Variants in VAC14 observed in about 807,000 individuals in gnomAD.
VAC14 encodes the protein VAC14 component of PIKFYVE complex.
In VAC14, 47 loss-of-function variants were observed where a neutral mutation model predicts 85.3. The ratio of observed to expected loss-of-function variants is 0.55; its 90% CI spans 0.44 to 0.70. The LOEUF (loss-of-function observed/expected upper bound fraction) is 0.70, where lower values mean the gene tolerates loss of function less well. Ranked by LOEUF, VAC14 falls within the 30% of genes least tolerant of loss-of-function variation. The probability of loss-of-function intolerance (pLI) is 0.00; values close to 1 mark genes in which losing one functional copy is unlikely to be tolerated. For synonymous variants in VAC14, 447 were observed against 430.5 expected (o/e 1.04, Z -0.47); for missense variants, 861 against 1,004.3 (o/e 0.86, Z 1.93).
chr16:70,756,862 G>A (rs951442944), intron 12 of VAC14, among the ~76,000 whole-genome samples: 3 of 152,206 alleles, frequency 2.0e-5, no homozygotes, highest in Non-Finnish European at 4.4e-5. Context: ...TCATGGCCGT[G>A]CCACAGTGGG....
intron 9 of VAC14, 81 bp from the exon 10 acceptor site, chr16:70,772,253 C>A: frequency 8.4e-7 from 1 of 1,184,958 alleles, no homozygotes; most frequent in Non-Finnish European, 1.3e-6. Context: ...CAAGCACACA[C>A]AGAACTCTCC....
intron 17 of VAC14, among the ~76,000 whole-genome samples, 170 bp from the exon 18 acceptor site, chr16:70,693,141 A>C (rs1567519038): frequency 6.6e-6 from 1 of 152,184 alleles, no homozygotes; most frequent in Non-Finnish European, 1.5e-5. Flanking sequence ...GCTTCCAGCG[A>C]GTCAGGGGCT....
intron 13 of VAC14, among the ~76,000 whole-genome samples, chr16:70,732,137 A>G (rs892435245): frequency 3.9e-5 from 6 of 152,256 alleles, no homozygotes; most frequent in African/African-American, 1.2e-4. Flanking sequence ...TGGACCCACA[A>G]GAGGCAAAAG....
At chr16:70,758,268 G>C (rs2032031304) in intron 12 of VAC14, among the ~76,000 whole-genome samples, 1 of 152,132 alleles carries the variant, frequency 6.6e-6, no homozygotes, top group African/African-American at 2.4e-5. Flanking sequence ...CTGGGTGAGG[G>C]GGTTACGCTT....
chr16:70,761,020 CATGGGG>C (rs1379475324), intron 12 of VAC14: 8 of 82,178 alleles, frequency 9.7e-5, no homozygotes, highest in Admixed American at 3.4e-4. Flanking sequence ...TGTGTGTGTG[CATGGGG>C]GGGCGGGGGG....
chr16:70,787,941 G>A (rs2034145903), intron 1 of VAC14, among the ~76,000 whole-genome samples: 1 of 152,252 alleles, frequency 6.6e-6, no homozygotes, highest in Non-Finnish European at 1.5e-5. Context: ...CAGGAAGCGT[G>A]AGGGATGACA....
chr16:70,759,465 A>G (rs2032138507), intron 12 of VAC14, among the ~76,000 whole-genome samples: 1 of 152,154 alleles, frequency 6.6e-6, no homozygotes, highest in South Asian at 2.1e-4. Context: ...CGTCTCTACT[A>G]AAAATGCAAA....
rs1260671175 is a variant in VAC14, at chr16:70,697,130, G to A, written c.1955+9C>T. 1 of 1,608,364 alleles carries A rather than the reference G, an allele frequency of 6.2e-7. No homozygotes were observed. The highest frequency in any genetic ancestry group is 8.5e-7 in the Non-Finnish European group (1 of 1,175,118). ...GGCTCAACCCCAACCACAGTGAGAG[G>A]AAGGATACAACTTCTGGATGAGGTC... On this transcript the variant is annotated intron_variant, in intron 16 of 18. Transcript: ENST00000261776.
chr16:70,738,147 CCAAGAGGA>C (rs1183059422), intron 13 of VAC14, among the ~76,000 whole-genome samples: 1 of 152,116 alleles, frequency 6.6e-6, no homozygotes, highest in African/African-American at 2.4e-5. Flanking sequence ...TGGTATGGAA[CCAAGAGGA>C]CAGGGTGGGG....
At chr16:70,696,009 C>T (rs891345534) in intron 16 of VAC14, among the ~76,000 whole-genome samples, 6 of 152,338 alleles carry the variant, frequency 3.9e-5, no homozygotes, top group Admixed American at 2.0e-4. Flanking sequence ...ACAGAAGTGG[C>T]TGAGAGGAGC....
chr16:70,800,942 T>C lies in VAC14; in HGVS notation c.-42A>G, dbSNP rs765329752. On this transcript the variant is annotated 5_prime_UTR_variant, in exon 1 of 19. Transcript: ENST00000261776. Reference sequence around the variant, plus strand: ...ACCTCGCGACTCCTTAGCCCGCGGCTGCCGGGGCCGCGCCGGGGCCAGGGG... The same window carrying C: ...ACCTCGCGACTCCTTAGCCCGCGGCCGCCGGGGCCGCGCCGGGGCCAGGGG... 6.8e-7 allele frequency: 1 copy of C among 1,477,758 alleles called. No individual in the cohort carries two copies. Among genetic ancestry groups the C allele is most frequent in the Non-Finnish European group, 9.1e-7 (1 of 1,099,840 alleles). 91.5% of individuals were successfully genotyped at this position (1,477,758 alleles called of 1,614,324 possible). A position where few individuals can be genotyped will look rare whatever the true frequency, so the allele number is the denominator to read the frequency against.
chr16:70,761,018 T>TGCGC (rs1317737825), intron 12 of VAC14: 8 of 267,786 alleles, frequency 3.0e-5, no homozygotes, highest in Admixed American at 2.3e-4. Context: ...TGTGTGTGTG[T>TGCGC]GCATGGGGGG....
At chr16:70,767,439 G>T (rs996558532) in intron 10 of VAC14, among the ~76,000 whole-genome samples, 24 of 151,596 alleles carry the variant, frequency 1.6e-4, no homozygotes, top group African/African-American at 5.4e-4. Context: ...GCTACAAGCT[G>T]GGAAATACTG....
chr16:70,730,107 T>G (rs1211460932), intron 14 of VAC14, among the ~76,000 whole-genome samples: 1 of 151,834 alleles, frequency 6.6e-6, no homozygotes, highest in Admixed American at 6.6e-5. Flanking sequence ...TCTCTCCACA[T>G]CAGTCACCAG....
intron 18 of VAC14, chr16:70,689,453 A>C (rs1035609300): frequency 2.0e-6 from 2 of 980,074 alleles, no homozygotes; most frequent in African/African-American, 1.8e-5. Flanking sequence ...GTCAACGGCC[A>C]GAGCCTGACA....
chr16:70,705,598 G>T (rs768307305), intron 14 of VAC14, among the ~76,000 whole-genome samples: 5 of 152,182 alleles, frequency 3.3e-5, no homozygotes, highest in Admixed American at 6.5e-5. Flanking sequence ...ACAGACCCTG[G>T]ACTCAAACCC....
intron 12 of VAC14, among the ~76,000 whole-genome samples, chr16:70,761,657 T>G (rs2032397181): frequency 6.6e-6 from 1 of 152,062 alleles, no homozygotes; most frequent in Admixed American, 6.5e-5. Flanking sequence ...CCCCTCCACC[T>G]CCCAGGCCAG....
intron 1 of VAC14, among the ~76,000 whole-genome samples, chr16:70,791,019 C>T (rs998681043): frequency 6.6e-6 from 1 of 152,216 alleles, no homozygotes; most frequent in Non-Finnish European, 1.5e-5. Context: ...ACGAATCAAG[C>T]CTACCCTACT....
chr16:70,723,380 G>A (rs548676524), intron 14 of VAC14, among the ~76,000 whole-genome samples: 1 of 152,228 alleles, frequency 6.6e-6, no homozygotes, highest in East Asian at 1.9e-4. Flanking sequence ...CCGTGATTGT[G>A]CCACTGCACT....
Sources: gnomAD v4.1 joint callset for allele counts (sites outside exome capture counted in the v4.1 genomes callset) on GRCh38, gnomAD v4.1.1 for gene constraint, MANE v1.5 for transcripts, NCBI Gene and HGNC (gene_info 2026-07-23, HGNC 2026-07-21) for gene names.